MRTFA: variants seen among roughly 807,000 people sequenced by gnomAD.
The protein encoded by MRTFA is myocardin-related transcription factor A.
Under a neutral mutation model 83.5 loss-of-function variants are expected in MRTFA, and 20 were observed. That is an observed-to-expected ratio of 0.24 (90% CI 0.17 to 0.35). MRTFA has a LOEUF of 0.35. Among genes scored for constraint, MRTFA ranks in the 10% least tolerant of loss-of-function variants. MRTFA has a pLI of 1.00. For missense variants in MRTFA, 1,200 were observed against 1,224.7 expected (o/e 0.98, Z 0.30); for synonymous variants, 659 against 541.2 (o/e 1.22, Z -3.02).
intron 4 of MRTFA, among the ~76,000 whole-genome samples, chr22:40,451,976 T>TG (rs2053499142): frequency 6.5e-5 from 2 of 30,722 alleles, no homozygotes; most frequent in East Asian, 1.1e-3. Flanking sequence ...TTTTTTTTGG[T>TG]TTTTTTTTTT....
intron 1 of MRTFA, among the ~76,000 whole-genome samples, chr22:40,616,944 A>G (rs2056455912): frequency 6.6e-6 from 1 of 151,548 alleles, no homozygotes; most frequent in African/African-American, 2.4e-5. Context: ...TCTACAAAAA[A>G]ATACAAAAAT....
At chr22:40,514,510 T>C (rs1313311540) in intron 3 of MRTFA, among the ~76,000 whole-genome samples, 3 of 150,342 alleles carry the variant, frequency 2.0e-5, no homozygotes, top group Non-Finnish European at 4.4e-5. Context: ...AGTCTCACTC[T>C]GTCGCCCAGG....
chr22:40,620,172 C>T (rs368138105), intron 1 of MRTFA, among the ~76,000 whole-genome samples: 33 of 148,504 alleles, frequency 2.2e-4, no homozygotes, highest in African/African-American at 8.2e-4. Flanking sequence ...GTTGTCCATG[C>T]TGGAGTGCAA....
At chr22:40,533,910 T>C in intron 3 of MRTFA, 1 of 319,406 alleles carries the variant, frequency 3.1e-6, no homozygotes, top group African/African-American at 2.1e-5. Context: ...GCTCCTCCCC[T>C]TGCTATTCGT....
At chr22:40,464,041 A>G (rs1253347795) in intron 3 of MRTFA, among the ~76,000 whole-genome samples, 1 of 152,038 alleles carries the variant, frequency 6.6e-6, no homozygotes, top group Non-Finnish European at 1.5e-5. Flanking sequence ...GCTCATGCCT[A>G]CATGTAATCC....
intron 3 of MRTFA, among the ~76,000 whole-genome samples, chr22:40,485,753 G>A (rs2054164626): frequency 6.6e-6 from 1 of 152,168 alleles, no homozygotes; most frequent in Non-Finnish European, 1.5e-5. Context: ...GGCTAACTAT[G>A]GGTCTGGAAG....
intron 2 of MRTFA, chr22:40,569,714 TTAATACATACA>T (rs2055757225): frequency 7.1e-6 from 1 of 141,478 alleles, no homozygotes; most frequent in African/African-American, 2.7e-5. Flanking sequence ...GACTCCATAA[TTAATACATACA>T]TACATACATA....
At chr22:40,431,368 C>T in intron 6 of MRTFA, 37 bp downstream of exon 6, 1 of 1,590,890 alleles carries the variant, frequency 6.3e-7, no homozygotes, top group Non-Finnish European at 8.6e-7. Context: ...ACAGTGAGAA[C>T]TGGATCTAGA....
chr22:40,488,775 G>C (rs1231948491), intron 3 of MRTFA, among the ~76,000 whole-genome samples: 1 of 152,158 alleles, frequency 6.6e-6, no homozygotes, highest in African/African-American at 2.4e-5. Flanking sequence ...GGAAGTTGCA[G>C]TGAGCCAAGA....
chr22:40,506,256 A>C (rs996438650), intron 3 of MRTFA, among the ~76,000 whole-genome samples: 1 of 152,202 alleles, frequency 6.6e-6, no homozygotes, highest in Non-Finnish European at 1.5e-5. Flanking sequence ...AAAAAAATAA[A>C]TAAAGTGCAT....
rs984303974 is a variant in MRTFA at position 40,410,837 on chromosome 22, C to A, written c.*553G>T. 4.3e-6 allele frequency: 1 copy of A among 232,736 alleles called. No individual in the cohort carries two copies. The highest frequency in any genetic ancestry group is 2.2e-5 in the African/African-American group (1 of 45,146). 14.4% of individuals were successfully genotyped at this position (232,736 alleles called of 1,614,324 possible). ...TAATATAGAGGTATATACACCTGTA[C>A]ATAAAATTGTTGCCACCAACCACTA... On this transcript the variant is annotated 3_prime_UTR_variant, in exon 15 of 15. Transcript: ENST00000355630.
chr22:40,531,048 A>G (rs1346331561), intron 3 of MRTFA, among the ~76,000 whole-genome samples: 2 of 152,170 alleles, frequency 1.3e-5, no homozygotes, highest in African/African-American at 2.4e-5. Context: ...GAAGACATAT[A>G]CATCTGGCTG....
intron 3 of MRTFA, among the ~76,000 whole-genome samples, chr22:40,547,015 C>T (rs2055374967): frequency 6.6e-6 from 1 of 151,998 alleles, no homozygotes; most frequent in African/African-American, 2.4e-5. Context: ...ATTAGCCTGG[C>T]GTGGTGGTAG....
chr22:40,627,276 G>A (rs2056593271), intron 1 of MRTFA, among the ~76,000 whole-genome samples: 1 of 152,098 alleles, frequency 6.6e-6, no homozygotes, highest in African/African-American at 2.4e-5. Flanking sequence ...ACCATGCTGA[G>A]CTACTTTTTT....
intron 1 of MRTFA, among the ~76,000 whole-genome samples, chr22:40,635,549 C>G (rs1014054100): frequency 1.3e-5 from 2 of 152,140 alleles, no homozygotes; most frequent in Admixed American, 6.5e-5. Flanking sequence ...CAGAGGCTGG[C>G]AAGCAAGTTA....
Position 40,528,877 on chromosome 22 carries a change from T to C in MRTFA, c.241+23229A>G, listed in dbSNP as rs115804715. Among the ~76,000 whole-genome samples the C allele has an allele frequency of 7.0e-3, 1,071 of 152,060 alleles. 12 individuals are homozygous for C. The highest frequency in any genetic ancestry group is 0.024 in the African/African-American group (1,009 of 41,496). On this transcript the variant is annotated intron_variant, in intron 3 of 14. Coordinates refer to ENST00000355630, the MANE Select transcript of MRTFA (RefSeq NM_020831.6). ...CTTTCTTAAAACATTATGAGATTCTTTTTTTTTGCAATTTTTTAAAAGCTC... is the reference window on the plus strand; with the variant it reads ...CTTTCTTAAAACATTATGAGATTCTCTTTTTTTGCAATTTTTTAAAAGCTC...
chr22:40,453,003 A>G (rs1003710501), intron 4 of MRTFA, among the ~76,000 whole-genome samples: 1 of 152,164 alleles, frequency 6.6e-6, no homozygotes, highest in African/African-American at 2.4e-5. Context: ...TCACTGAGGT[A>G]GAAACACACT....
At chr22:40,459,810 CACACACACACACAT>C (rs1287797846) in intron 4 of MRTFA, among the ~76,000 whole-genome samples, 18 of 115,098 alleles carry the variant, frequency 1.6e-4, no homozygotes, top group Admixed American at 1.5e-3. Context: ...CACACACACA[CACACACACACACAT>C]ATATACATAT....
chr22:40,542,951 G>C (rs770529978), intron 3 of MRTFA, among the ~76,000 whole-genome samples: 1 of 152,102 alleles, frequency 6.6e-6, no homozygotes, highest in Admixed American at 6.6e-5. Flanking sequence ...CTTTTGTTTT[G>C]TTTTGTGTTA....
Sources: allele counts gnomAD v4.1 joint callset (sites outside exome capture counted in the v4.1 genomes callset), GRCh38; gene constraint gnomAD v4.1.1; transcripts MANE v1.5; gene names NCBI Gene and HGNC (gene_info 2026-07-23, HGNC 2026-07-21).